Variants in PHF20 observed in about 807,000 individuals in gnomAD.
PHF20 encodes PHD finger protein 20, also known as glioma-expressed antigen 2.
In PHF20, 23 loss-of-function variants were observed where a neutral mutation model predicts 113.5. The ratio of observed to expected loss-of-function variants is 0.20; its 90% CI spans 0.15 to 0.29. PHF20 has a LOEUF of 0.29. Among genes scored for constraint, PHF20 ranks in the 10% least tolerant of loss-of-function variants. The pLI is 1.00. For synonymous variants in PHF20, 434 were observed against 457.3 expected, an observed-to-expected ratio of 0.95 and a Z score of 0.65; for missense variants, 943 against 1,219.6, an observed-to-expected ratio of 0.77 and a Z score of 3.38.
chr20:35,835,463 A>C (rs2042423879), intron 2 of PHF20, among the ~76,000 whole-genome samples: 1 of 152,190 alleles, frequency 6.6e-6, no homozygotes, highest in Non-Finnish European at 1.5e-5. Context: ...GAAGGGCATA[A>C]TACAAGAACA....
chr20:35,843,133 C>A (rs199936437), intron 3 of PHF20, among the ~76,000 whole-genome samples: 1 of 151,810 alleles, frequency 6.6e-6, no homozygotes, highest in Non-Finnish European at 1.5e-5. Flanking sequence ...AACTCCTGAC[C>A]AATTTTACGG....
intron 4 of PHF20, among the ~76,000 whole-genome samples, chr20:35,851,514 A>G (rs556612036): frequency 5.3e-5 from 8 of 152,178 alleles, no homozygotes; most frequent in African/African-American, 1.9e-4. Context: ...TTAGGCCCAC[A>G]CGTGCAGGTG....
intron 2 of PHF20, among the ~76,000 whole-genome samples, chr20:35,805,632 C>T (rs1270167838): frequency 6.6e-6 from 1 of 150,948 alleles, no homozygotes; most frequent in Non-Finnish European, 1.5e-5. Flanking sequence ...TATGCCCAGC[C>T]ACACGCCTGA....
chr20:35,783,768 G>A (rs1191322518), intron 1 of PHF20, among the ~76,000 whole-genome samples: 13 of 151,826 alleles, frequency 8.6e-5, no homozygotes, highest in Non-Finnish European at 1.5e-5. Context: ...GATCACCTGA[G>A]GTCAGGAGTT....
intron 13 of PHF20, among the ~76,000 whole-genome samples, chr20:35,921,454 G>A (rs889370269): frequency 6.6e-6 from 1 of 151,932 alleles, no homozygotes; most frequent in Non-Finnish European, 1.5e-5. Context: ...AGGCAGAGGC[G>A]GGAGGATTGC....
At chr20:35,835,549 A>G (rs927201464) in intron 2 of PHF20, among the ~76,000 whole-genome samples, 1 of 152,246 alleles carries the variant, frequency 6.6e-6, no homozygotes, top group African/African-American at 2.4e-5. Context: ...GACTTATTAA[A>G]TGAATGATGC....
intron 1 of PHF20, among the ~76,000 whole-genome samples, chr20:35,777,634 A>G (rs1480852532): frequency 6.6e-6 from 1 of 152,170 alleles, no homozygotes; most frequent in Non-Finnish European, 1.5e-5. Flanking sequence ...TGGGCAACAA[A>G]GTGAGATTCC....
Position 35,847,347 on chromosome 20 carries a change from TAGG to T in PHF20, c.256-1_257del. On this transcript the variant is annotated splice_acceptor_variant and coding_sequence_variant, in exon 4 of 18. Transcript: ENST00000374012. LOFTEE classifies it high-confidence loss of function. ...ATCTTTTTTTTTTTTTTATGTTTTT[TAGG>T]AATTTCAAATAAATGAGCAGGTCCT... 2 of 1,594,360 alleles carry T rather than the reference TAGG, an allele frequency of 1.3e-6. No individual in the cohort carries two copies. The highest frequency in any genetic ancestry group is 1.7e-5 in the Admixed American group (1 of 57,764).
intron 3 of PHF20, among the ~76,000 whole-genome samples, 173 bp from the exon 4 acceptor site, chr20:35,847,177 T>C (rs144377732): frequency 6.6e-6 from 1 of 152,222 alleles, no homozygotes; most frequent in East Asian, 1.9e-4. Context: ...GACACCGAAA[T>C]TATAGCAACT....
At chr20:35,810,712 C>A (rs1279715864) in intron 2 of PHF20, among the ~76,000 whole-genome samples, 3 of 152,154 alleles carry the variant, frequency 2.0e-5, no homozygotes, top group Admixed American at 6.6e-5. Flanking sequence ...ATGTTCCTGA[C>A]TCCTAAATCA....
At chr20:35,814,742 G>T (rs2042036713) in intron 2 of PHF20, among the ~76,000 whole-genome samples, 1 of 147,206 alleles carries the variant, frequency 6.8e-6, no homozygotes. Context: ...GCGTAGTGGC[G>T]GGTGCCTGTA....
At chr20:35,942,850 G>A (rs1286065861) in intron 17 of PHF20, among the ~76,000 whole-genome samples, 1 of 151,532 alleles carries the variant, frequency 6.6e-6, no homozygotes, top group Non-Finnish European at 1.5e-5. Context: ...TTGAGATGGA[G>A]TCTCGCTCTG....
chr20:35,836,023 T>G (rs187091045), intron 2 of PHF20, among the ~76,000 whole-genome samples: 10 of 151,198 alleles, frequency 6.6e-5, no homozygotes, highest in African/African-American at 2.5e-4. Context: ...TATTACCTGT[T>G]TTTTAGATGG....
intron 3 of PHF20, 42 bp from the exon 4 acceptor site, chr20:35,847,308 A>G: frequency 7.4e-7 from 1 of 1,342,484 alleles, no homozygotes; most frequent in Non-Finnish European, 1.1e-6. Context: ...CTGTGAAATT[A>G]GGTTGGTAAC....
intron 13 of PHF20, among the ~76,000 whole-genome samples, chr20:35,918,743 C>T (rs1405283172): frequency 6.6e-6 from 1 of 152,106 alleles, no homozygotes; most frequent in Non-Finnish European, 1.5e-5. Flanking sequence ...AATGCTCTCC[C>T]CTGGTCTAGT....
intron 1 of PHF20, among the ~76,000 whole-genome samples, chr20:35,777,143 G>T (rs1674304885): frequency 6.6e-6 from 1 of 152,162 alleles, no homozygotes; most frequent in Admixed American, 6.5e-5. Context: ...AAGTCTTCCT[G>T]AGTTCTCCAT....
intron 9 of PHF20, among the ~76,000 whole-genome samples, chr20:35,889,523 G>A (rs1195210939): frequency 2.0e-5 from 3 of 151,394 alleles, no homozygotes; most frequent in East Asian, 1.9e-4. Flanking sequence ...CACCACGCCC[G>A]GATAAATTTT....
intron 4 of PHF20, among the ~76,000 whole-genome samples, chr20:35,851,527 A>G (rs1234755693): frequency 6.6e-6 from 1 of 152,136 alleles, no homozygotes; most frequent in Non-Finnish European, 1.5e-5. Flanking sequence ...TGCAGGTGCT[A>G]GCTTGGCTGT....
chr20:35,850,766 A>G, intron 4 of PHF20: 1 of 653,808 alleles, frequency 1.5e-6, no homozygotes, highest in Non-Finnish European at 2.8e-6. Context: ...TCCACATAGC[A>G]ATACAGAAAG....
Sources: allele counts gnomAD v4.1 joint callset (sites outside exome capture counted in the v4.1 genomes callset), GRCh38; gene constraint gnomAD v4.1.1; transcripts MANE v1.5; gene names NCBI Gene and HGNC (gene_info 2026-07-23, HGNC 2026-07-21).